The following PRH1 variants were observed in gnomAD, a reference collection of about 807,000 sequenced individuals.
The protein encoded by PRH1 is proline rich protein HaeIII subfamily 1.
PRH1 carries 7 observed loss-of-function variants against 7.9 expected under a neutral mutation model. That is an observed-to-expected ratio of 0.89 (90% CI 0.50 to 1.67). The LOEUF (loss-of-function observed/expected upper bound fraction) is 1.67. Among genes scored for constraint, PRH1 ranks in the 40% most tolerant of loss-of-function variants. The pLI is 0.00. For missense variants in PRH1, 109 were observed against 223.6 expected (o/e 0.49, Z 3.27); for synonymous variants, 45 against 80.8 (o/e 0.56, Z 2.38).
intron 2 of PRH1, among the ~76,000 whole-genome samples, chr12:10,948,281 C>T (rs545087084): frequency 5.3e-5 from 8 of 152,242 alleles, no homozygotes; most frequent in African/African-American, 1.9e-4. Flanking sequence ...ACAGATTTAA[C>T]CTCTTTTTAT....
intron 2 of PRH1, chr12:10,907,855 T>A (rs1180299234): frequency 1.3e-5 from 2 of 152,534 alleles, no homozygotes; most frequent in African/African-American, 4.8e-5. Context: ...CGTTATCTTT[T>A]TATGTGGCAG....
At chr12:10,900,477 T>A (rs920904932) in intron 2 of PRH1, among the ~76,000 whole-genome samples, 1 of 152,162 alleles carries the variant, frequency 6.6e-6, no homozygotes, top group Non-Finnish European at 1.5e-5. Flanking sequence ...GAGCACCTGC[T>A]TTAGAGCAGG....
intron 1 of PRH1, among the ~76,000 whole-genome samples, chr12:11,113,092 A>C (rs1378201297): frequency 6.6e-6 from 1 of 152,186 alleles, no homozygotes; most frequent in Non-Finnish European, 1.5e-5. Context: ...AGCTAAGAAG[A>C]GATGTGAAAG....
intron 1 of PRH1, among the ~76,000 whole-genome samples, chr12:11,084,627 A>G (rs77651455): frequency 0.24 from 13,457 of 55,738 alleles, 797 homozygotes; most frequent in East Asian, 0.36. Context: ...TTTACCTTTA[A>G]TATTTATATG....
At chr12:11,170,686 A>C (rs1947806634) in intron 1 of PRH1, among the ~76,000 whole-genome samples, 1 of 152,230 alleles carries the variant, frequency 6.6e-6, no homozygotes, top group South Asian at 2.1e-4. Flanking sequence ...TTAAGGGTTT[A>C]CATGGCTGGG....
At chr12:10,902,934 T>A (rs187815148) in intron 2 of PRH1, among the ~76,000 whole-genome samples, 2 of 152,176 alleles carry the variant, frequency 1.3e-5, no homozygotes, top group East Asian at 3.9e-4. Context: ...CAAGACCCTA[T>A]AAAGAAACCA....
chr12:10,882,268 T>C lies in PRH1; in HGVS notation c.531A>G (p.Pro177=), dbSNP rs756669309. Residue 177 remains proline, a synonymous_variant, in exon 3 of 4, where the codon CCA becomes CCG. Coordinates refer to ENST00000543626, the MANE Select transcript of PRH1 (RefSeq NM_001393989.1). ...PQGPPPQGGR[P]QGPPQGQSPQ Reference sequence around the variant, plus strand: ...GAGACTGCCCCTGTGGAGGTCCTTGTGGGCGGCCCCCTTGGGGAGGTGGTC... The same window carrying C: ...GAGACTGCCCCTGTGGAGGTCCTTGCGGGCGGCCCCCTTGGGGAGGTGGTC... The C allele has an allele frequency of 5.0e-6, 8 of 1,613,250 alleles. No homozygotes were observed. In the Admixed American group the frequency reaches 6.7e-5, roughly 13 times the overall value.
chr12:11,124,354 G>C (rs1371717891), intron 1 of PRH1, among the ~76,000 whole-genome samples: 2 of 152,192 alleles, frequency 1.3e-5, no homozygotes, highest in Admixed American at 1.3e-4. Flanking sequence ...GTGGGGGAGG[G>C]CTTACTTATT....
At chr12:11,148,878 T>C (rs1187707330) in intron 1 of PRH1, among the ~76,000 whole-genome samples, 1 of 136,774 alleles carries the variant, frequency 7.3e-6, no homozygotes, top group Admixed American at 7.5e-5. Context: ...TTCCTCCTTG[T>C]ACCTCTGGTA....
Position 11,106,176 on chromosome 12 carries a change from G to A in PRH1, n.124-58988C>T, listed in dbSNP as rs1247058187. The stretch of plus-strand genomic sequence containing the variant: ...AGGATGGTCTCGATCTCCTGACCTC[G>A]TGATCCGCCCGCCTCGGCCTCCCAA... On this transcript the variant is annotated intron_variant and non_coding_transcript_variant, in intron 1 of 4. Coordinates refer to the PRH1 transcript ENST00000541977. Among the ~76,000 whole-genome samples the A allele has an allele frequency of 2.1e-4, 10 of 47,330 alleles. 3 individuals are homozygous for A. The highest frequency in any genetic ancestry group is 8.3e-4 in the Admixed American group (4 of 4,822). 31.1% of individuals were successfully genotyped at this position (47,330 alleles called of 152,430 possible).
At chr12:10,882,883 T>G (rs10845228) in intron 2 of PRH1, among the ~76,000 whole-genome samples, 178 bp downstream of exon 2, 5 of 151,912 alleles carry the variant, frequency 3.3e-5, no homozygotes, top group Non-Finnish European at 5.9e-5. Flanking sequence ...GATGAAAAAT[T>G]GAATTTCTTT....
At chr12:11,003,449 C>A (rs556543905) in intron 1 of PRH1, among the ~76,000 whole-genome samples, 1 of 152,142 alleles carries the variant, frequency 6.6e-6, no homozygotes, top group South Asian at 2.1e-4. Context: ...CCCATATATG[C>A]TTTCTTGTTG....
Position 10,882,707 on chromosome 12 carries a change from G to C in PRH1, c.101-9C>G. ...CTCAGAGTCTCCTCCATCTGTGTGAGTTGAAACAAGAAGAGCTGAGCTCAT... is the reference window on the plus strand; with the variant it reads ...CTCAGAGTCTCCTCCATCTGTGTGACTTGAAACAAGAAGAGCTGAGCTCAT... On this transcript the variant is annotated splice_polypyrimidine_tract_variant and intron_variant, in intron 2 of 3. Coordinates refer to ENST00000543626, the MANE Select transcript of PRH1 (RefSeq NM_001393989.1). 6.3e-7 allele frequency: 1 copy of C among 1,592,348 alleles called. No individual in the cohort carries two copies.
At position 10,954,642 on chromosome 12, in the gene PRH1, A is replaced by AT. The variant is rs373206501; in HGVS notation, c.-59+19012dup. Among the ~76,000 whole-genome samples the AT allele has an allele frequency of 4.6e-3, 705 of 151,990 alleles. 6 individuals carry two copies. The highest frequency in any genetic ancestry group is 0.016 in the African/African-American group (678 of 41,416). ...ACCACCATGACTGGCTAATTTTTGT[A>AT]TTTGTTTTTTTCTTGATAGAGACAG... On this transcript the variant is annotated intron_variant, in intron 2 of 3. Transcript: ENST00000539853.
chr12:10,935,146 A>G (rs1349143593), intron 2 of PRH1, among the ~76,000 whole-genome samples: 1 of 152,266 alleles, frequency 6.6e-6, no homozygotes, highest in East Asian at 1.9e-4. Context: ...TTATTTATCA[A>G]TTAATTGTTT....
At chr12:10,942,178 C>T (rs1950412300) in intron 2 of PRH1, among the ~76,000 whole-genome samples, 1 of 152,078 alleles carries the variant, frequency 6.6e-6, no homozygotes, top group Non-Finnish European at 1.5e-5. Context: ...GTTTAATGCT[C>T]TATTTTTGTG....
intron 1 of PRH1, among the ~76,000 whole-genome samples, chr12:10,975,076 A>C (rs1435269321): frequency 1.3e-5 from 2 of 152,180 alleles, no homozygotes; most frequent in African/African-American, 4.8e-5. Context: ...ATCTGACTGA[A>C]CTAAAAACTC....
chr12:11,087,583 C>T lies in PRH1; in HGVS notation n.124-40395G>A, dbSNP rs1186968267. Among the ~76,000 whole-genome samples, 3 of 116,520 alleles carry T rather than the reference C, an allele frequency of 2.6e-5. 1 individual carries two copies. The highest frequency in any genetic ancestry group is 6.1e-5 in the Non-Finnish European group (3 of 49,098). 76.4% of individuals were successfully genotyped at this position (116,520 alleles called of 152,430 possible). On this transcript the variant is annotated intron_variant and non_coding_transcript_variant, in intron 1 of 4. Coordinates refer to the PRH1 transcript ENST00000541977. ...GTAAGGGACATTATTATAGCAGGAC[C>T]AAAGGGAAGCCTCTGAAATTCTCCT...
chr12:11,111,852 A>G (rs1391576201), intron 1 of PRH1, among the ~76,000 whole-genome samples: 5 of 152,222 alleles, frequency 3.3e-5, no homozygotes, highest in Admixed American at 2.0e-4. Context: ...CAGAAAATCA[A>G]TGAATCCAGG....
Sources: allele counts gnomAD v4.1 joint callset (sites outside exome capture counted in the v4.1 genomes callset), GRCh38; gene constraint gnomAD v4.1.1; transcripts MANE v1.5; gene names NCBI Gene and HGNC (gene_info 2026-07-23, HGNC 2026-07-21).